DEFB109B: variants seen among roughly 807,000 people sequenced by gnomAD.
DEFB109B encodes the protein beta-defensin 109B.
upstream of DEFB109B, among the ~76,000 whole-genome samples, chr8:7,311,946 T>C (rs1802630092): frequency 8.0e-6 from 1 of 124,632 alleles, no homozygotes; most frequent in South Asian, 2.4e-4. Flanking sequence ...TCTTTTGTGA[T>C]TTCATTTTTA....
chr8:7,316,919 G>A (rs1423339683), intron 1 of DEFB109B, among the ~76,000 whole-genome samples: 1 of 125,872 alleles, frequency 7.9e-6, no homozygotes, highest in Non-Finnish European at 1.5e-5. Context: ...GCAATTACAG[G>A]CATGAGCCAC....
rs1257799697 is a variant in DEFB109B at position 7,315,510 on chromosome 8, A to AG, written n.58+2607_58+2608insG. 2.3e-5 allele frequency among the ~76,000 whole-genome samples: 3 copies of AG among 131,050 alleles called. 1 individual carries two copies. Among genetic ancestry groups the AG allele is most frequent in the African/African-American group, 1.2e-4 (3 of 25,396 alleles). The allele number at this position is 131,050 out of a possible 152,430, so 86.0% of individuals were successfully genotyped here. A position where few individuals can be genotyped will look rare whatever the true frequency, so the allele number is the denominator to read the frequency against. On this transcript the variant is annotated intron_variant and non_coding_transcript_variant, in intron 1 of 1. Coordinates refer to ENST00000382656, the Ensembl canonical transcript of DEFB109B. Reference sequence around the variant, plus strand: ...TGAGACTCCGTCAAAAAAAAAAAAAAAAAGAAGAAGAAGAATAAAGAAAGA... The same window carrying AG: ...TGAGACTCCGTCAAAAAAAAAAAAAAGAAAGAAGAAGAAGAATAAAGAAAGA...
At chr8:7,315,561 T>C (rs1047819873) in intron 1 of DEFB109B, among the ~76,000 whole-genome samples, 1 of 132,586 alleles carries the variant, frequency 7.5e-6, no homozygotes, top group Non-Finnish European at 1.5e-5. Context: ...AAGAAAAGCA[T>C]TAAATCATTA....
At chr8:7,313,601 A>G (rs1802750433) in intron 1 of DEFB109B, among the ~76,000 whole-genome samples, 1 of 145,566 alleles carries the variant, frequency 6.9e-6, no homozygotes, top group South Asian at 2.1e-4. Flanking sequence ...CTCAAGGTAT[A>G]TTACAGGTAA....
chr8:7,313,665 G>C (rs903524233), intron 1 of DEFB109B, among the ~76,000 whole-genome samples: 2 of 143,304 alleles, frequency 1.4e-5, no homozygotes, highest in African/African-American at 6.0e-5. Context: ...AAAATTTACT[G>C]GGCTAAGCAT....
chr8:7,313,747 A>G (rs1334317266), intron 1 of DEFB109B, among the ~76,000 whole-genome samples: 2 of 139,536 alleles, frequency 1.4e-5, no homozygotes, highest in African/African-American at 3.4e-5. Flanking sequence ...AATTATAAAT[A>G]CAAAATATAA....
chr8:7,312,185 A>C (rs1397232502), upstream of DEFB109B, among the ~76,000 whole-genome samples: 21 of 128,968 alleles, frequency 1.6e-4, 1 homozygote, highest in East Asian at 4.1e-3. Context: ...TGTTTTACTG[A>C]GTGGGGAAAG....
chr8:7,310,655 C>T (rs1469490015), upstream of DEFB109B, among the ~76,000 whole-genome samples: 1 of 146,404 alleles, frequency 6.8e-6, no homozygotes, highest in Non-Finnish European at 1.5e-5. Flanking sequence ...ATCCCACACT[C>T]CACATAGGTT....
At chr8:7,313,716 A>C (rs1356520635) in intron 1 of DEFB109B, among the ~76,000 whole-genome samples, 2 of 143,264 alleles carry the variant, frequency 1.4e-5, no homozygotes, top group Non-Finnish European at 2.9e-5. Context: ...AGCATAATAA[A>C]CCTAAAGAAG....
At chr8:7,317,341 C>T (rs1803017105) in intron 1 of DEFB109B, among the ~76,000 whole-genome samples, 1 of 146,384 alleles carries the variant, frequency 6.8e-6, no homozygotes, top group Non-Finnish European at 1.5e-5. Flanking sequence ...TTGATAATAG[C>T]AGATCTTCCC....
intron 1 of DEFB109B, among the ~76,000 whole-genome samples, chr8:7,314,057 CT>C (rs1563240287): frequency 2.2e-5 from 1 of 46,376 alleles, no homozygotes; most frequent in Non-Finnish European, 3.5e-5. Context: ...TACAAATATG[CT>C]GTTGTTTTTC....
Position 7,315,257 on chromosome 8 carries a change from C to A in DEFB109B, n.58+2354C>A, listed in dbSNP as rs1396714874. 4.1e-5 allele frequency among the ~76,000 whole-genome samples: 5 copies of A among 123,426 alleles called. No individual in the cohort carries two copies. The South Asian group carries it at 7.4e-4, about 18-fold the overall frequency. 81.0% of individuals were successfully genotyped at this position (123,426 alleles called of 152,430 possible). ...GTGGGGCCACACGCGGTGGCTCACG[C>A]CTGTAATCCCAGCACTTTGGGAGGC... On this transcript the variant is annotated intron_variant and non_coding_transcript_variant, in intron 1 of 1. Coordinates refer to ENST00000382656, the Ensembl canonical transcript of DEFB109B.
chr8:7,313,687 GC>G (rs1424544275), intron 1 of DEFB109B, among the ~76,000 whole-genome samples: 3 of 140,872 alleles, frequency 2.1e-5, no homozygotes, highest in Admixed American at 1.3e-4. Flanking sequence ...CATTTTGGGG[GC>G]TTTTGGAAAA....
At chr8:7,309,583 C>G (rs1347640172), upstream of DEFB109B, among the ~76,000 whole-genome samples, 2 of 147,762 alleles carry the variant, frequency 1.4e-5, no homozygotes, top group East Asian at 3.9e-4. Context: ...AGATATGACC[C>G]TGCAACAGAG....
At chr8:7,316,564 A>G (rs1199997881) in intron 1 of DEFB109B, among the ~76,000 whole-genome samples, 2 of 94,866 alleles carry the variant, frequency 2.1e-5, no homozygotes, top group African/African-American at 6.9e-5. Flanking sequence ...TATATCTAAT[A>G]TATCATTAAT....
intron 1 of DEFB109B, among the ~76,000 whole-genome samples, chr8:7,316,869 C>G (rs576473370): frequency 7.8e-6 from 1 of 129,012 alleles, no homozygotes; most frequent in South Asian, 2.3e-4. Flanking sequence ...TCTTGAACTC[C>G]TGACCTCGTG....
intron 1 of DEFB109B, among the ~76,000 whole-genome samples, chr8:7,316,746 C>G (rs1318551917): frequency 7.0e-6 from 1 of 142,842 alleles, no homozygotes; most frequent in Non-Finnish European, 1.5e-5. Flanking sequence ...CCTGCCTCAG[C>G]CTCCTGAGTA....
upstream of DEFB109B, among the ~76,000 whole-genome samples, chr8:7,311,782 C>A (rs1338720127): frequency 9.4e-5 from 2 of 21,328 alleles, no homozygotes; most frequent in East Asian, 2.2e-3. Flanking sequence ...CTATGATGTT[C>A]ATTGTAACTC....
At chr8:7,319,637 G>C (rs528884356) in intron 1 of DEFB109B, 109 bp from the exon 2 acceptor site, 1 of 144,280 alleles carries the variant, frequency 6.9e-6, no homozygotes, top group African/African-American at 3.0e-5. Flanking sequence ...CATGTCAAGA[G>C]CTCCCACATA....
Sources: gnomAD v4.1 joint callset for allele counts (sites outside exome capture counted in the v4.1 genomes callset) on GRCh38, gnomAD v4.1.1 for gene constraint, MANE v1.5 for transcripts, NCBI Gene and HGNC (gene_info 2026-07-23, HGNC 2026-07-21) for gene names.